The following LANCL1 variants were observed in gnomAD, a reference collection of about 807,000 sequenced individuals.
LANCL1 encodes the protein LanC like glutathione S-transferase 1.
In LANCL1, 50 loss-of-function variants were observed where a neutral mutation model predicts 50.6. The observed-to-expected ratio is 0.99, with a 90% CI of 0.79 to 1.25. The LOEUF is 1.25. LANCL1 is among the 50% of genes most tolerant of loss of function. LANCL1 has a pLI of 0.00. For missense variants in LANCL1, 532 were observed against 480.7 expected (o/e 1.11, Z -1.00); for synonymous variants, 188 against 178.6 (o/e 1.05, Z -0.42).
In LANCL1 at chr2:210,465,856, G is replaced by A. The variant is rs747287957; in HGVS notation, c.199+6103C>T. On this transcript the variant is annotated intron_variant, in intron 3 of 9. Transcript: ENST00000450366. Reference sequence around the variant, plus strand: ...TGAAAAGGTTTTGAACCCTATTCTGGGGGGGGAAAAGCCACAAAGGACATG... The same window carrying A: ...TGAAAAGGTTTTGAACCCTATTCTGAGGGGGGAAAAGCCACAAAGGACATG... 2.6e-5 allele frequency among the ~76,000 whole-genome samples: 4 copies of A among 152,212 alleles called. No individual in the cohort carries two copies. In the South Asian group the frequency reaches 6.2e-4, roughly 24 times the overall value.
intron 3 of LANCL1, among the ~76,000 whole-genome samples, chr2:210,467,544 T>C (rs1161173077): frequency 6.6e-6 from 1 of 152,224 alleles, no homozygotes; most frequent in Non-Finnish European, 1.5e-5. Context: ...TTCTACCTTA[T>C]TGTAAAAATA....
intron 4 of LANCL1, among the ~76,000 whole-genome samples, chr2:210,451,832 A>G (rs891424992): frequency 6.6e-6 from 1 of 152,230 alleles, no homozygotes; most frequent in African/African-American, 2.4e-5. Context: ...TATACATATA[A>G]TGGAATATTA....
chr2:210,453,216 A>T (rs1232451449), intron 4 of LANCL1, among the ~76,000 whole-genome samples: 2 of 152,226 alleles, frequency 1.3e-5, no homozygotes, highest in Non-Finnish European at 2.9e-5. Flanking sequence ...GTAAATGACA[A>T]CAACACCCTT....
At position 210,476,348 on chromosome 2, in the gene LANCL1, G is replaced by T. The variant is rs757730599; in HGVS notation, c.49C>A (p.Leu17Met). 1.2e-6 allele frequency: 2 copies of T among 1,614,088 alleles called. No individual in the cohort carries two copies. The highest frequency in any genetic ancestry group is 2.2e-5 in the East Asian group (1 of 44,866). The change falls in exon 2 of 10, where the codon CTG becomes ATG. Residue 17 changes from leucine (L) to methionine (M), a missense_variant. By Grantham distance (15) the Leu-to-Met change is conservative. Coordinates refer to ENST00000450366, the MANE Select transcript of LANCL1 (RefSeq NM_006055.3). ...PNPYADYNKS[L>M]AEGYFDAAGR... ...GCAGCATCAAAGTAGCCTTCGGCCA[G>T]GGATTTGTTATAATCAGCATAAGGA...
Position 210,434,372 on chromosome 2 carries a change from A to C in LANCL1, c.*115T>G, listed in dbSNP as rs1692846992. 5.6e-6 allele frequency: 4 copies of C among 720,662 alleles called. No homozygotes were observed. The East Asian group carries it at 1.1e-4, about 19-fold the overall frequency. 44.6% of individuals were successfully genotyped at this position (720,662 alleles called of 1,614,324 possible). ...AGATAAATTCTGAAAAAAGCTAACA[A>C]AATCAAGTCCACAGTTTGACTCTTT... On this transcript the variant is annotated 3_prime_UTR_variant, in exon 10 of 10. Transcript: ENST00000450366.
At chr2:210,471,907 C>T in intron 3 of LANCL1, 52 bp downstream of exon 3, 1 of 1,273,820 alleles carries the variant, frequency 7.9e-7, no homozygotes, top group East Asian at 2.3e-5. Context: ...CGGAAAAATG[C>T]TCTGGCTCTT....
At chr2:210,477,179 C>A (rs547810522), upstream of LANCL1, among the ~76,000 whole-genome samples, 1 of 151,996 alleles carries the variant, frequency 6.6e-6, no homozygotes, top group South Asian at 2.1e-4. Flanking sequence ...GCACCACCAT[C>A]ATTAACAACA....
intron 4 of LANCL1, among the ~76,000 whole-genome samples, chr2:210,454,362 A>G (rs897062764): frequency 6.6e-5 from 10 of 152,186 alleles, no homozygotes; most frequent in Admixed American, 3.9e-4. Context: ...ACCAGCAAAC[A>G]GTATAAGATT....
At chr2:210,466,466 A>G (rs891285256) in intron 3 of LANCL1, among the ~76,000 whole-genome samples, 1 of 152,196 alleles carries the variant, frequency 6.6e-6, no homozygotes, top group African/African-American at 2.4e-5. Context: ...CTAGTATAAG[A>G]ACAAAGGAAC....
At chr2:210,439,258 T>C (rs1693043656) in intron 6 of LANCL1, among the ~76,000 whole-genome samples, 2 of 152,130 alleles carry the variant, frequency 1.3e-5, no homozygotes, top group South Asian at 4.1e-4. Flanking sequence ...AATGGAAAAA[T>C]CAATACTTGG....
At position 210,448,554 on chromosome 2, in the gene LANCL1, T is replaced by C. The variant is rs150662514; in HGVS notation, c.407+6553A>G. On this transcript the variant is annotated intron_variant, in intron 4 of 9. Transcript: ENST00000450366. Reference sequence around the variant, plus strand: ...TGAAAAACCCTTCAAAAAAAATCAGTGAATCCCAGAGTTGGTTTTTTGAAA... The same window carrying C: ...TGAAAAACCCTTCAAAAAAAATCAGCGAATCCCAGAGTTGGTTTTTTGAAA... Among the ~76,000 whole-genome samples, 584 of 152,042 alleles carry C rather than the reference T, an allele frequency of 3.8e-3. 1 individual carries two copies. The highest frequency in any genetic ancestry group is 6.8e-3 in the Non-Finnish European group (463 of 67,968).
intron 6 of LANCL1, among the ~76,000 whole-genome samples, chr2:210,439,601 A>T (rs956813777): frequency 2.0e-5 from 3 of 152,224 alleles, no homozygotes; most frequent in Non-Finnish European, 4.4e-5. Context: ...TATAACCTCT[A>T]ATTGAAAAGT....
intron 3 of LANCL1, among the ~76,000 whole-genome samples, chr2:210,461,165 T>C (rs1574435034): frequency 6.6e-6 from 1 of 151,982 alleles, no homozygotes; most frequent in East Asian, 1.9e-4. Flanking sequence ...ACTCTCATCC[T>C]ACTCTGGTTC....
At chr2:210,465,689 A>C (rs1267399663) in intron 3 of LANCL1, among the ~76,000 whole-genome samples, 1 of 152,222 alleles carries the variant, frequency 6.6e-6, no homozygotes, top group Non-Finnish European at 1.5e-5. Flanking sequence ...TAATGCCAGC[A>C]AGGGTTGGTT....
intron 4 of LANCL1, among the ~76,000 whole-genome samples, chr2:210,453,088 A>C (rs1693558296): frequency 6.6e-6 from 1 of 152,198 alleles, no homozygotes. Context: ...AAAAATCTGA[A>C]AAAAATCAAA....
At chr2:210,475,048 C>A (rs1694318735) in intron 2 of LANCL1, among the ~76,000 whole-genome samples, 1 of 152,178 alleles carries the variant, frequency 6.6e-6, no homozygotes, top group Non-Finnish European at 1.5e-5. Context: ...CAGATTGACT[C>A]AAACTCCATA....
intron 6 of LANCL1, 51 bp from the exon 7 acceptor site, chr2:210,437,923 T>G (rs775274877): frequency 7.7e-7 from 1 of 1,307,056 alleles, no homozygotes; most frequent in South Asian, 1.7e-5. Flanking sequence ...TAAACCTTCC[T>G]AGGTCTCAGT....
At position 210,451,057 on chromosome 2, in the gene LANCL1, T is replaced by C. The variant is rs564611318; in HGVS notation, c.407+4050A>G. Among the ~76,000 whole-genome samples, 5 of 152,268 alleles carry C rather than the reference T, an allele frequency of 3.3e-5. No homozygotes were observed. The South Asian group carries it at 8.3e-4, about 25-fold the overall frequency. ...ATGTTTATTGCAACACTGTTCACAA[T>C]AGCAAAGACATGGAACCAACCCAAA... On this transcript the variant is annotated intron_variant, in intron 4 of 9. Transcript: ENST00000450366.
intron 2 of LANCL1, among the ~76,000 whole-genome samples, chr2:210,472,704 T>C (rs1374338770): frequency 3.3e-5 from 5 of 152,228 alleles, no homozygotes; most frequent in Admixed American, 6.5e-5. Context: ...TTACCCGCTA[T>C]TAGCTGATCT....
Sources: allele counts gnomAD v4.1 joint callset (sites outside exome capture counted in the v4.1 genomes callset), GRCh38; gene constraint gnomAD v4.1.1; transcripts MANE v1.5; gene names NCBI Gene and HGNC (gene_info 2026-07-23, HGNC 2026-07-21).